CHST11: variants seen among roughly 807,000 people sequenced by gnomAD.
CHST11 encodes the protein C4S-1.
In CHST11, 9 loss-of-function variants were observed where a neutral mutation model predicts 30.4. The observed-to-expected ratio is 0.30, with a 90% CI of 0.18 to 0.52. CHST11 has a LOEUF of 0.52. CHST11 is among the 20% of genes least tolerant of loss of function. CHST11 has a pLI of 0.97. For missense variants in CHST11, 348 were observed against 460.6 expected (o/e 0.76, Z 2.24); for synonymous variants, 152 against 187.8 (o/e 0.81, Z 1.56).
intron 1 of CHST11, among the ~76,000 whole-genome samples, chr12:104,488,740 CGTGT>C (rs56383997): frequency 0.18 from 26,620 of 145,454 alleles, 2,577 homozygotes; most frequent in East Asian, 0.47. Flanking sequence ...TATGTGTACG[CGTGT>C]GTGTGTGTGT....
chr12:104,722,586 A>G (rs1241501533), intron 2 of CHST11, among the ~76,000 whole-genome samples: 1 of 152,102 alleles, frequency 6.6e-6, no homozygotes, highest in Admixed American at 6.5e-5. Flanking sequence ...CTAACACGTC[A>G]TCGTTTCTGC....
intron 1 of CHST11, among the ~76,000 whole-genome samples, chr12:104,468,536 C>G (rs770622519): frequency 1.3e-5 from 2 of 152,186 alleles, no homozygotes; most frequent in Non-Finnish European, 2.9e-5. Flanking sequence ...ATTACTCTTC[C>G]CATCCACCCT....
rs553914457 is a variant in CHST11, at chr12:104,539,964, A to G, written c.119-61942A>G. The stretch of plus-strand genomic sequence containing the variant: ...GCTGGGATTACAAGTGTGAGCCACC[A>G]CACCCAGCCCTAAAAAGGTGTCTTA... On this transcript the variant is annotated intron_variant, in intron 1 of 2. Coordinates refer to ENST00000303694, the MANE Select transcript of CHST11 (RefSeq NM_018413.6). Among the ~76,000 whole-genome samples the G allele has an allele frequency of 3.9e-5, 6 of 152,230 alleles. No individual in the cohort carries two copies. In the East Asian group the frequency reaches 1.2e-3, roughly 29 times the overall value.
intron 2 of CHST11, among the ~76,000 whole-genome samples, chr12:104,621,716 C>G (rs575639630): frequency 6.6e-6 from 1 of 152,182 alleles, no homozygotes; most frequent in Non-Finnish European, 1.5e-5. Context: ...CTTGGAGCCT[C>G]CAGAAGGAAC....
intron 2 of CHST11, among the ~76,000 whole-genome samples, chr12:104,700,293 A>G (rs2039981219): frequency 1.3e-5 from 2 of 152,248 alleles, no homozygotes; most frequent in African/African-American, 2.4e-5. Context: ...TAAAATTTTT[A>G]AACTACCAAA....
At chr12:104,494,814 TG>T (rs1251174747) in intron 1 of CHST11, among the ~76,000 whole-genome samples, 6 of 152,236 alleles carry the variant, frequency 3.9e-5, no homozygotes, top group Non-Finnish European at 8.8e-5. Context: ...TGTAAAATTG[TG>T]GTTAAAAAAG....
At chr12:104,540,529 G>A (rs969337116) in intron 1 of CHST11, among the ~76,000 whole-genome samples, 32 of 152,188 alleles carry the variant, frequency 2.1e-4, no homozygotes, top group Admixed American at 1.1e-3. Flanking sequence ...CAAGAGACAG[G>A]AACCTCGAGC....
At chr12:104,741,987 C>T (rs1386523592) in intron 2 of CHST11, among the ~76,000 whole-genome samples, 2 of 152,112 alleles carry the variant, frequency 1.3e-5, no homozygotes, top group Non-Finnish European at 2.9e-5. Flanking sequence ...GGCAAAGCAA[C>T]ATTCCTGCTA....
chr12:104,679,394 C>A (rs2039772572), intron 2 of CHST11, among the ~76,000 whole-genome samples: 1 of 152,130 alleles, frequency 6.6e-6, no homozygotes, highest in South Asian at 2.1e-4. Flanking sequence ...CCACCGAGGC[C>A]TGGAACCAAT....
At chr12:104,492,931 G>A (rs574927708) in intron 1 of CHST11, among the ~76,000 whole-genome samples, 59 of 152,234 alleles carry the variant, frequency 3.9e-4, no homozygotes, top group African/African-American at 1.3e-3. Flanking sequence ...TACTCAGGAG[G>A]CTGAGGCAGG....
At position 104,488,529 on chromosome 12, in the gene CHST11, GTA is replaced by G. The variant is rs545676030; in HGVS notation, c.118+31004_118+31005del. Among the ~76,000 whole-genome samples, 88 of 151,584 alleles carry G rather than the reference GTA, an allele frequency of 5.8e-4. 3 individuals carry two copies. The South Asian group carries it at 0.018, about 31-fold the overall frequency. Reference sequence around the variant, plus strand: ...TGTATATGTGTGTGTATCTCTGTGTGTATATGTGTGTATGTGTGCGTGTATGT... The same window carrying G: ...TGTATATGTGTGTGTATCTCTGTGTGTATGTGTGTATGTGTGCGTGTATGT... On this transcript the variant is annotated intron_variant, in intron 1 of 2. Transcript: ENST00000303694.
intron 2 of CHST11, among the ~76,000 whole-genome samples, chr12:104,744,451 GT>G (rs1383970587): frequency 5.9e-5 from 9 of 151,990 alleles, no homozygotes; most frequent in African/African-American, 1.5e-4. Context: ...TTATGGGGTT[GT>G]TTTTTTCTTG....
At chr12:104,673,990 T>A (rs1269225079) in intron 2 of CHST11, among the ~76,000 whole-genome samples, 2 of 152,238 alleles carry the variant, frequency 1.3e-5, no homozygotes, top group African/African-American at 4.8e-5. Flanking sequence ...TCCTCTGCTG[T>A]CAGCTCTCCC....
chr12:104,626,964 T>G (rs2039221888), intron 2 of CHST11, among the ~76,000 whole-genome samples: 1 of 152,134 alleles, frequency 6.6e-6, no homozygotes, highest in East Asian at 1.9e-4. Context: ...TTAGAGTAGT[T>G]TCACTGCCCC....
chr12:104,647,312 A>G (rs890269182), intron 2 of CHST11, among the ~76,000 whole-genome samples: 3 of 152,234 alleles, frequency 2.0e-5, no homozygotes, highest in African/African-American at 7.2e-5. Context: ...GCTTCTCTTG[A>G]AAACCAGAGC....
chr12:104,589,347 G>C (rs538064479), intron 1 of CHST11, among the ~76,000 whole-genome samples: 3 of 150,432 alleles, frequency 2.0e-5, no homozygotes, highest in Admixed American at 6.7e-5. Flanking sequence ...GTTGCAGTGA[G>C]CCAAGATTGT....
At chr12:104,731,338 C>T (rs892707217) in intron 2 of CHST11, among the ~76,000 whole-genome samples, 10 of 152,296 alleles carry the variant, frequency 6.6e-5, no homozygotes, top group Admixed American at 4.6e-4. Flanking sequence ...AAACCAAAGC[C>T]GAAAGAAGTA....
intron 2 of CHST11, among the ~76,000 whole-genome samples, chr12:104,748,122 T>C (rs1274220945): frequency 6.6e-6 from 1 of 152,176 alleles, no homozygotes; most frequent in East Asian, 1.9e-4. Flanking sequence ...ATTTATACTT[T>C]TGAGAGATCA....
intron 1 of CHST11, among the ~76,000 whole-genome samples, chr12:104,494,867 G>A (rs766499204): frequency 1.3e-5 from 2 of 152,066 alleles, no homozygotes; most frequent in Non-Finnish European, 2.9e-5. Flanking sequence ...TTAAGAGTAC[G>A]GGTCAGCAGT....
Sources: allele counts gnomAD v4.1 joint callset (sites outside exome capture counted in the v4.1 genomes callset), GRCh38; gene constraint gnomAD v4.1.1; transcripts MANE v1.5; gene names NCBI Gene and HGNC (gene_info 2026-07-23, HGNC 2026-07-21).